The following C7orf78 variants were observed in gnomAD, a reference collection of about 807,000 sequenced individuals.
C7orf78 encodes the protein putative uncharacterized protein C7orf78.
At chr7:12,501,135 G>A in the C7orf78 span, among the ~76,000 whole-genome samples, 1 of 137,900 alleles carries the variant, frequency 7.3e-6, no homozygotes, top group African/African-American at 2.8e-5. Context: ...TACTGAATGG[G>A]CAAAAACTGG....
At chr7:12,514,853 G>T in the C7orf78 span, among the ~76,000 whole-genome samples, 16 of 151,604 alleles carry the variant, frequency 1.1e-4, no homozygotes, top group African/African-American at 3.9e-4. Context: ...CTCTGGGAAA[G>T]ACTTTATTTA....
the C7orf78 span, among the ~76,000 whole-genome samples, chr7:12,535,816 T>C: frequency 6.6e-6 from 1 of 152,134 alleles, no homozygotes; most frequent in Admixed American, 6.5e-5. Context: ...CCCATGCAAG[T>C]CCGAAATGCA....
chr7:12,539,177 C>T, the C7orf78 span, among the ~76,000 whole-genome samples: 1 of 152,096 alleles, frequency 6.6e-6, no homozygotes, highest in Non-Finnish European at 1.5e-5. Flanking sequence ...AAGACAAAGC[C>T]TTTAGGGCCG....
At chr7:12,508,878 C>A in the C7orf78 span, among the ~76,000 whole-genome samples, 1 of 152,200 alleles carries the variant, frequency 6.6e-6, no homozygotes, top group Non-Finnish European at 1.5e-5. Flanking sequence ...CTGTCACTGT[C>A]TCCCATCACC....
the C7orf78 span, chr7:12,506,764 C>G: frequency 6.2e-6 from 2 of 324,514 alleles, no homozygotes; most frequent in African/African-American, 4.5e-5. Flanking sequence ...ACATTGTGCA[C>G]ATGTACCCTA....
chr7:12,508,871 T>C, the C7orf78 span, among the ~76,000 whole-genome samples: 1 of 152,204 alleles, frequency 6.6e-6, no homozygotes. Flanking sequence ...TGATGATCTG[T>C]CACTGTCTCC....
the C7orf78 span, chr7:12,506,777 A>G: frequency 2.4e-5 from 8 of 340,424 alleles, no homozygotes; most frequent in African/African-American, 1.8e-4. Context: ...GTACCCTAGA[A>G]CTTAAAGTAT....
the C7orf78 span, among the ~76,000 whole-genome samples, chr7:12,517,342 G>T: frequency 1.2e-3 from 182 of 152,214 alleles, no homozygotes; most frequent in Non-Finnish European, 2.1e-3. Flanking sequence ...GGAACTGTAA[G>T]TCCAATTAAA....
chr7:12,497,647 A>G, the C7orf78 span, among the ~76,000 whole-genome samples: 1 of 152,052 alleles, frequency 6.6e-6, no homozygotes, highest in Non-Finnish European at 1.5e-5. Flanking sequence ...GGCGGCAGCG[A>G]GGCTGGGGGA....
the C7orf78 span, chr7:12,530,507 G>C: frequency 6.6e-6 from 1 of 152,126 alleles, no homozygotes; most frequent in Non-Finnish European, 1.5e-5. Flanking sequence ...ACGCTGGTGA[G>C]TTGCGCCTGA....
the C7orf78 span, among the ~76,000 whole-genome samples, chr7:12,530,761 T>C: frequency 2.0e-5 from 3 of 152,304 alleles, no homozygotes; most frequent in South Asian, 2.1e-4. Context: ...GTGACACTCA[T>C]GTGAGAAGGC....
chr7:12,521,704 C>G, the C7orf78 span, among the ~76,000 whole-genome samples: 1 of 145,080 alleles, frequency 6.9e-6, no homozygotes, highest in South Asian at 2.2e-4. Context: ...CTCCATACTG[C>G]TATCACACTG....
At chr7:12,502,390 A>C in the C7orf78 span, among the ~76,000 whole-genome samples, 1 of 151,190 alleles carries the variant, frequency 6.6e-6, no homozygotes, top group Admixed American at 6.6e-5. Flanking sequence ...TTACAAGAAA[A>C]AAACAAACAA....
the C7orf78 span, among the ~76,000 whole-genome samples, chr7:12,497,615 G>A: frequency 2.0e-5 from 3 of 152,174 alleles, no homozygotes; most frequent in Non-Finnish European, 4.4e-5. Context: ...TGCTAGCACA[G>A]CAGTCTGAGA....
the C7orf78 span, among the ~76,000 whole-genome samples, chr7:12,497,420 A>G: frequency 2.6e-5 from 4 of 152,216 alleles, no homozygotes; most frequent in African/African-American, 7.2e-5. Context: ...CGGGAAGCGC[A>G]AGGGGTCAGG....
chr7:12,525,801 C>A, the C7orf78 span: 16 of 396,488 alleles, frequency 4.0e-5, no homozygotes, highest in South Asian at 2.6e-4. Context: ...ATATTGCAAT[C>A]TTTCCTTTAC....
the C7orf78 span, among the ~76,000 whole-genome samples, chr7:12,519,149 G>T: frequency 6.6e-6 from 1 of 151,998 alleles, no homozygotes; most frequent in African/African-American, 2.4e-5. Context: ...GGGGGACAGG[G>T]TCACCACCCA....
the C7orf78 span, among the ~76,000 whole-genome samples, chr7:12,532,561 A>C: frequency 2.6e-5 from 4 of 151,486 alleles, no homozygotes; most frequent in East Asian, 7.8e-4. Context: ...AAAAAAAAAA[A>C]AGAAAAAGAA....
chr7:12,525,287 T>C, the C7orf78 span, among the ~76,000 whole-genome samples: 1 of 152,098 alleles, frequency 6.6e-6, no homozygotes, highest in African/African-American at 2.4e-5. Flanking sequence ...TCAAATTGGT[T>C]CAATTAAACC....
Sources: gnomAD v4.1 joint callset for allele counts (sites outside exome capture counted in the v4.1 genomes callset) on GRCh38, gnomAD v4.1.1 for gene constraint, MANE v1.5 for transcripts, NCBI Gene and HGNC (gene_info 2026-07-23, HGNC 2026-07-21) for gene names.